Variants in TLCD4 observed in about 807,000 individuals in gnomAD.
The protein encoded by TLCD4 is TLC domain-containing protein 4.
Under a neutral mutation model 24.2 loss-of-function variants are expected in TLCD4, and 7 were observed. The observed-to-expected ratio is 0.29, with a 90% confidence interval of 0.16 to 0.54. The LOEUF is 0.54. Ranked by LOEUF, TLCD4 falls within the 20% of genes least tolerant of loss-of-function variation. The pLI, the probability that TLCD4 is intolerant of heterozygous loss-of-function variation, is 0.95. For synonymous variants in TLCD4, 103 were observed against 106.4 expected (o/e 0.97, Z 0.20); for missense variants, 259 against 313.9 (o/e 0.82, Z 1.32).
At chr1:95,136,244 GT>G (rs200630853) in intron 1 of TLCD4, among the ~76,000 whole-genome samples, 2 of 150,134 alleles carry the variant, frequency 1.3e-5, no homozygotes, top group South Asian at 2.1e-4. Context: ...CCTGAAATTT[GT>G]TTTTTTTTGT....
chr1:95,148,117 T>C (rs1027356526), intron 2 of TLCD4, among the ~76,000 whole-genome samples: 5 of 152,228 alleles, frequency 3.3e-5, no homozygotes, highest in African/African-American at 1.2e-4. Flanking sequence ...GGACTAATAA[T>C]AGCTACCCTT....
Position 95,151,344 on chromosome 1 carries a change from G to T in TLCD4, c.324G>T (p.Leu108Phe). The T allele has an allele frequency of 6.2e-7, 1 of 1,613,022 alleles. No individual in the cohort carries two copies. Among genetic ancestry groups the T allele is most frequent in the Non-Finnish European group, 8.5e-7 (1 of 1,179,376 alleles). ...YLISDLSIII[L>F]YWKVIGDKFF... ...TTACAGATTTGTCCATTATAATTTT[G>T]TATTGGAAAGTGATTGGTGACAAAT... Residue 108 changes from leucine (L) to phenylalanine (F), a missense_variant, in exon 5 of 7, where the codon TTG (leucine) becomes TTT (phenylalanine). Leu to Phe is a conservative substitution (Grantham distance 22). Coordinates refer to ENST00000370203, the MANE Select transcript of TLCD4 (RefSeq NM_152487.3).
chr1:95,127,085 C>T (rs772768521), intron 1 of TLCD4, among the ~76,000 whole-genome samples: 6 of 152,214 alleles, frequency 3.9e-5, no homozygotes, highest in Non-Finnish European at 8.8e-5. Flanking sequence ...TTCTCATCCC[C>T]ATTTTAAAGA....
the TLCD4 span, among the ~76,000 whole-genome samples, chr1:95,096,787 C>T: frequency 1.3e-5 from 2 of 152,154 alleles, no homozygotes; most frequent in Non-Finnish European, 2.9e-5. Flanking sequence ...CAGTGCAACT[C>T]GGCCCCATCC....
rs1028887279 is a variant in TLCD4, at chr1:95,143,377, T to A, written c.-11-514T>A. Reference sequence around the variant, plus strand: ...AAGATTTTAATTTTGTTTTAAATGTTGTTTGTCCTGCTCCAAAATTAGTTT... The same window carrying A: ...AAGATTTTAATTTTGTTTTAAATGTAGTTTGTCCTGCTCCAAAATTAGTTT... On this transcript the variant is annotated intron_variant, in intron 1 of 6. Transcript: ENST00000370203. Among the ~76,000 whole-genome samples, 5 of 152,198 alleles carry A rather than the reference T, an allele frequency of 3.3e-5. No homozygotes were observed. In the South Asian group the frequency reaches 1.0e-3, roughly 31 times the overall value.
the TLCD4 span, among the ~76,000 whole-genome samples, chr1:95,107,494 A>C: frequency 6.6e-6 from 1 of 152,132 alleles, no homozygotes; most frequent in African/African-American, 2.4e-5. Flanking sequence ...GTCTCTGTGA[A>C]GTGGTTGGTT....
Position 95,191,922 on chromosome 1 carries a change from GA to G in TLCD4, c.*55del. On this transcript the variant is annotated 3_prime_UTR_variant, in exon 7 of 7. Coordinates refer to ENST00000370203, the MANE Select transcript of TLCD4 (RefSeq NM_152487.3). ...TACTACCCAGCATATCTGCTGATAG[GA>G]TGAATTCTTGGCATGTTCTTGTGTA... 2.7e-5 allele frequency: 42 copies of G among 1,553,518 alleles called. No individual in the cohort carries two copies. Among genetic ancestry groups the G allele is most frequent in the Non-Finnish European group, 3.6e-5 (42 of 1,154,780 alleles).
chr1:95,152,329 TA>T (rs1424658989), intron 5 of TLCD4, among the ~76,000 whole-genome samples: 4 of 152,050 alleles, frequency 2.6e-5, no homozygotes, highest in African/African-American at 9.7e-5. Flanking sequence ...CAAGTAAAGC[TA>T]ACAAAAATAA....
intron 1 of TLCD4, among the ~76,000 whole-genome samples, chr1:95,121,501 C>T (rs977362590): frequency 4.6e-5 from 7 of 152,192 alleles, no homozygotes; most frequent in African/African-American, 1.4e-4. Flanking sequence ...GACAGGGTCT[C>T]GCTTTGTCAC....
At chr1:95,114,859 G>A (rs528667848), upstream of TLCD4, among the ~76,000 whole-genome samples, 180 of 151,818 alleles carry the variant, frequency 1.2e-3, no homozygotes, top group African/African-American at 4.0e-3. Context: ...TGTATTTGTT[G>A]CCCATTTCAA....
At chr1:95,189,472 A>G (rs1678950950) in intron 6 of TLCD4, among the ~76,000 whole-genome samples, 1 of 152,210 alleles carries the variant, frequency 6.6e-6, no homozygotes, top group South Asian at 2.1e-4. Flanking sequence ...TGATAAGTGC[A>G]TAATGTCATG....
chr1:95,131,899 C>T (rs1319884267), intron 1 of TLCD4, among the ~76,000 whole-genome samples: 1 of 152,156 alleles, frequency 6.6e-6, no homozygotes, highest in Non-Finnish European at 1.5e-5. Context: ...GGGGGCAGAT[C>T]CCTCATGAGT....
chr1:95,165,465 G>GGTT lies in TLCD4; in HGVS notation c.400-8351_400-8350insGTT, dbSNP rs776903610. ...GGGCAAATAGTATGTGTGTGTGTGTGTGTTTTTTTTTTTTTTTCAGACAAA... is the reference window on the plus strand; with the variant it reads ...GGGCAAATAGTATGTGTGTGTGTGTGGTTTGTTTTTTTTTTTTTTTCAGACAAA... On this transcript the variant is annotated intron_variant, in intron 5 of 6. Transcript: ENST00000370203. Among the ~76,000 whole-genome samples, 4 of 52,668 alleles carry GGTT rather than the reference G, an allele frequency of 7.6e-5. 1 individual carries two copies. Among genetic ancestry groups the GGTT allele is most frequent in the Non-Finnish European group, 9.0e-5 (2 of 22,222 alleles). 34.6% of individuals were successfully genotyped at this position (52,668 alleles called of 152,430 possible).
intron 6 of TLCD4, among the ~76,000 whole-genome samples, chr1:95,179,960 G>A (rs772774137): frequency 6.6e-6 from 1 of 152,130 alleles, no homozygotes; most frequent in Non-Finnish European, 1.5e-5. Flanking sequence ...AGCAACATAT[G>A]TGTATATTAC....
intron 5 of TLCD4, among the ~76,000 whole-genome samples, chr1:95,171,529 CTG>C (rs968776740): frequency 1.3e-5 from 2 of 152,122 alleles, no homozygotes; most frequent in Admixed American, 6.5e-5. Context: ...ACCTACCACA[CTG>C]TGAATACTGT....
intron 5 of TLCD4, chr1:95,164,634 C>T (rs987108269): frequency 2.0e-5 from 3 of 152,176 alleles, no homozygotes; most frequent in Admixed American, 2.0e-4. Context: ...GAACCCCCGC[C>T]ACCTCTTGAT....
chr1:95,174,133 C>A, intron 6 of TLCD4: 1 of 514,452 alleles, frequency 1.9e-6, no homozygotes, highest in Admixed American at 3.6e-5. Context: ...TACGATGGTG[C>A]TTTATGATGC....
chr1:95,166,549 T>G (rs1376277193), intron 5 of TLCD4, among the ~76,000 whole-genome samples: 1 of 152,196 alleles, frequency 6.6e-6, no homozygotes, highest in Non-Finnish European at 1.5e-5. Context: ...TCATTAGTAG[T>G]GCATCCAGTC....
upstream of TLCD4, among the ~76,000 whole-genome samples, chr1:95,116,903 G>A (rs755097586): frequency 3.3e-5 from 5 of 152,216 alleles, no homozygotes; most frequent in Non-Finnish European, 5.9e-5. Flanking sequence ...CCCCAAAGAA[G>A]AACTGGCGGG....
Sources: gnomAD v4.1 joint callset for allele counts (sites outside exome capture counted in the v4.1 genomes callset) on GRCh38, gnomAD v4.1.1 for gene constraint, MANE v1.5 for transcripts, NCBI Gene and HGNC (gene_info 2026-07-23, HGNC 2026-07-21) for gene names.